Variants in RGS6 observed in about 807,000 individuals in gnomAD.
RGS6 encodes the protein regulator of G-protein signaling 6.
RGS6 carries 30 observed loss-of-function variants against 78.5 expected under a neutral mutation model. The observed-to-expected ratio is 0.38, with a 90% confidence interval of 0.29 to 0.52. The LOEUF (loss-of-function observed/expected upper bound fraction) is 0.52. Among genes scored for constraint, RGS6 ranks in the 20% least tolerant of loss-of-function variants. RGS6 has a pLI of 0.85. For synonymous variants in RGS6, 206 were observed against 206.0 expected, an observed-to-expected ratio of 1.00 and a Z score of 0.00; for missense variants, 495 against 609.7, an observed-to-expected ratio of 0.81 and a Z score of 1.98.
intron 2 of RGS6, among the ~76,000 whole-genome samples, chr14:72,035,212 A>G (rs2091507139): frequency 6.6e-6 from 1 of 152,120 alleles, no homozygotes; most frequent in Non-Finnish European, 1.5e-5. Flanking sequence ...TTATTACTTT[A>G]TGATTCAGTC....
At chr14:72,212,710 G>T (rs147370085) in intron 2 of RGS6, among the ~76,000 whole-genome samples, 1 of 152,142 alleles carries the variant, frequency 6.6e-6, no homozygotes, top group East Asian at 1.9e-4. Context: ...ATCAGTAAAT[G>T]CCCTCTAGGA....
At chr14:71,893,616 A>T in the RGS6 span, among the ~76,000 whole-genome samples, 1 of 152,110 alleles carries the variant, frequency 6.6e-6, no homozygotes, top group Admixed American at 6.5e-5. Flanking sequence ...GAAGGGACAG[A>T]TTGGGTTTCA....
chr14:72,624,841 C>T, the RGS6 span, among the ~76,000 whole-genome samples: 1 of 152,232 alleles, frequency 6.6e-6, no homozygotes, highest in Non-Finnish European at 1.5e-5. Context: ...ATAAGATCCA[C>T]ATATGCATAC....
chr14:72,043,684 A>C (rs10144433), intron 2 of RGS6, among the ~76,000 whole-genome samples: 2 of 152,292 alleles, frequency 1.3e-5, no homozygotes, highest in African/African-American at 4.8e-5. Flanking sequence ...AGCAGTATAA[A>C]TATGATAGCC....
intron 3 of RGS6, among the ~76,000 whole-genome samples, chr14:72,360,736 G>C (rs1217647515): frequency 6.6e-6 from 1 of 152,134 alleles, no homozygotes; most frequent in Non-Finnish European, 1.5e-5. Context: ...TAGGAAAGTA[G>C]AGATTGACTG....
At chr14:72,413,277 G>T (rs1175951967) in intron 3 of RGS6, among the ~76,000 whole-genome samples, 1 of 152,222 alleles carries the variant, frequency 6.6e-6, no homozygotes, top group African/African-American at 2.4e-5. Context: ...ATATATTTAG[G>T]ATAGTTAGTT....
intron 2 of RGS6, among the ~76,000 whole-genome samples, chr14:72,260,109 A>T (rs1005125074): frequency 6.6e-6 from 1 of 152,142 alleles, no homozygotes; most frequent in Non-Finnish European, 1.5e-5. Context: ...AAAGAGTATC[A>T]CAGGAAAGAC....
chr14:72,475,144 G>A (rs1185954678), intron 10 of RGS6, among the ~76,000 whole-genome samples: 1 of 151,606 alleles, frequency 6.6e-6, no homozygotes, highest in African/African-American at 2.4e-5. Context: ...AAGTGGCAAA[G>A]CTCACAGGTG....
chr14:72,114,801 T>A (rs141849806), intron 2 of RGS6, among the ~76,000 whole-genome samples: 1 of 152,328 alleles, frequency 6.6e-6, no homozygotes, highest in Non-Finnish European at 1.5e-5. Context: ...TCATTAAACA[T>A]TGCAAGTCAC....
intron 2 of RGS6, among the ~76,000 whole-genome samples, chr14:72,021,145 CT>C (rs2088372867): frequency 6.6e-6 from 1 of 152,210 alleles, no homozygotes; most frequent in Admixed American, 6.5e-5. Flanking sequence ...TGATCCTTCT[CT>C]TCACTTTTCT....
chr14:71,959,153 A>C (rs1873507589), intron 1 of RGS6, among the ~76,000 whole-genome samples: 1 of 152,302 alleles, frequency 6.6e-6, no homozygotes, highest in South Asian at 2.1e-4. Context: ...TCAAGTTGGC[A>C]TACTCTGCTA....
At position 72,167,277 on chromosome 14, in the gene RGS6, G is replaced by C. The variant is rs191475978; in HGVS notation, c.85-184818G>C. ...GATCACCCTTGGTTCCTTGACAGAT[G>C]GGCCTGCCCATTAGGGCAAATTGAA... On this transcript the variant is annotated intron_variant, in intron 2 of 17. Transcript: ENST00000553525. 1.7e-4 allele frequency among the ~76,000 whole-genome samples: 26 copies of C among 152,336 alleles called. No homozygotes were observed. The East Asian group carries it at 4.0e-3, about 24-fold the overall frequency.
At chr14:71,959,684 A>C (rs568216929) in intron 1 of RGS6, among the ~76,000 whole-genome samples, 26 of 151,700 alleles carry the variant, frequency 1.7e-4, no homozygotes, top group Admixed American at 1.2e-3. Context: ...ACGAGTCAGA[A>C]CATCTGAGGG....
intron 2 of RGS6, among the ~76,000 whole-genome samples, chr14:72,136,297 T>C (rs2096439278): frequency 6.6e-6 from 1 of 152,160 alleles, no homozygotes; most frequent in Non-Finnish European, 1.5e-5. Context: ...ACATCTTATC[T>C]TTAGCATAGA....
In RGS6 at chr14:72,439,150, C is replaced by T. The variant is rs145616121; in HGVS notation, c.185-15378C>T. 1.8e-4 allele frequency among the ~76,000 whole-genome samples: 27 copies of T among 152,340 alleles called. No individual in the cohort carries two copies. The East Asian group carries it at 3.3e-3, about 18-fold the overall frequency. On this transcript the variant is annotated intron_variant, in intron 3 of 17. Coordinates refer to ENST00000553525, the MANE Select transcript of RGS6 (RefSeq NM_001204424.2). ...AACTCCCATTCTAGCTTCATTATTG[C>T]GCTGTTTTTCCTTGGTTTCATGCAG...
intron 2 of RGS6, among the ~76,000 whole-genome samples, chr14:72,173,588 C>T (rs2097058552): frequency 1.3e-5 from 2 of 152,170 alleles, no homozygotes. Flanking sequence ...TTTCCCATGA[C>T]ACACATTTCT....
chr14:72,202,775 G>A (rs533397430), intron 2 of RGS6, among the ~76,000 whole-genome samples: 1 of 152,130 alleles, frequency 6.6e-6, no homozygotes, highest in South Asian at 2.1e-4. Flanking sequence ...GGCAGTAGAT[G>A]AAAGCAAATG....
At chr14:72,338,254 G>A (rs1365966814) in intron 2 of RGS6, among the ~76,000 whole-genome samples, 2 of 152,188 alleles carry the variant, frequency 1.3e-5, no homozygotes, top group East Asian at 1.9e-4. Context: ...AGAAAAAGAG[G>A]TTTAACAGAC....
At chr14:72,475,830 G>GCACACACACACACACA (rs1555424335) in intron 10 of RGS6, among the ~76,000 whole-genome samples, 4 of 145,606 alleles carry the variant, frequency 2.7e-5, no homozygotes, top group Non-Finnish European at 6.0e-5. Flanking sequence ...AAAAATACAC[G>GCACACACACACACACA]CACACACACA....
Sources: allele counts gnomAD v4.1 joint callset (sites outside exome capture counted in the v4.1 genomes callset), GRCh38; gene constraint gnomAD v4.1.1; transcripts MANE v1.5; gene names NCBI Gene and HGNC (gene_info 2026-07-23, HGNC 2026-07-21).